SETD2: variants seen among roughly 807,000 people sequenced by gnomAD.
SETD2 encodes histone-lysine N-methyltransferase SETD2.
SETD2 carries 31 observed loss-of-function variants against 242.1 expected under a neutral mutation model. That is an observed-to-expected ratio of 0.13 (90% CI 0.10 to 0.17). The LOEUF is 0.17. SETD2 is among the 10% of genes least tolerant of loss of function. The pLI is 1.00. For missense variants in SETD2, 2,481 were observed against 3,046.3 expected (o/e 0.81, Z 4.37); for synonymous variants, 1,006 against 1,066.5 (o/e 0.94, Z 1.11).
intron 17 of SETD2, 45 bp downstream of exon 17, chr3:47,042,516 A>ATCGTC (rs1457045425): frequency 6.2e-7 from 1 of 1,608,034 alleles, no homozygotes; most frequent in Non-Finnish European, 8.5e-7. Flanking sequence ...AACTTCTTTG[A>ATCGTC]TTAAGTAAAA....
rs767401946 is a variant in SETD2, at chr3:47,062,156, C to T, written c.6293+7G>A. The T allele has an allele frequency of 5.0e-6, 8 of 1,611,716 alleles. 1 individual carries two copies. The South Asian group carries it at 8.8e-5, about 18-fold the overall frequency. Reference sequence around the variant, plus strand: ...CAAAAACAAAAAAACTCACACAGGCCACTTACCTGTCATCTGGCCTTTTTG... The same window carrying T: ...CAAAAACAAAAAAACTCACACAGGCTACTTACCTGTCATCTGGCCTTTTTG... On this transcript the variant is annotated splice_region_variant and intron_variant, in intron 14 of 20. Coordinates refer to ENST00000409792, the MANE Select transcript of SETD2 (RefSeq NM_014159.7).
In SETD2 at chr3:47,123,044, C is replaced by A. The variant is rs374775442; in HGVS notation, c.1592G>T (p.Cys531Phe). ...GAATCCCAGTTCATTAGGGGGAGAA[C>A]AACATCTTTTAATTGCTTCATTTTC... ...TSENEAIKRC[C>F]SPPNELGFRR... The change falls in exon 3 of 21, where the codon TGT (cysteine) becomes TTT (phenylalanine). Residue 531 changes from cysteine to phenylalanine, a missense_variant. Cys to Phe is a radical substitution (Grantham distance 205, BLOSUM62 -2). This residue lies in a region of SETD2 where 1,300 missense variants were observed against 1,259.2 expected (regional missense o/e 1.03). Coordinates refer to ENST00000409792, the MANE Select transcript of SETD2 (RefSeq NM_014159.7). The A allele has an allele frequency of 6.2e-7, 1 of 1,613,920 alleles. No individual in the cohort carries two copies. The highest frequency in any genetic ancestry group is 1.1e-5 in the South Asian group (1 of 91,078).
rs2107718892 is a variant in SETD2 at position 47,113,897 on chromosome 3, C to T, written c.4694G>A (p.Arg1565Lys). The change falls in exon 5 of 21, where the codon AGA becomes AAA. Residue 1565 changes from arginine (R) to lysine (K), a missense_variant. Arg to Lys is a conservative substitution (Grantham distance 26). Around this residue, in one of 17 missense-constraint regions of SETD2, gnomAD observed 61 missense variants for 221.4 expected, o/e 0.28. Coordinates refer to ENST00000409792, the MANE Select transcript of SETD2 (RefSeq NM_014159.7). ...TTACGAAGGAAGGTCTTTGGCAGCT[C>T]TCAAGCCCCAGCCTTTCTTTTCTGT... The part of the protein sequence containing the change: ...ILTEKKGWGL[R>K]AAKDLPSNTF... 6.2e-7 allele frequency: 1 copy of T among 1,612,014 alleles called. No individual in the cohort carries two copies. The highest frequency in any genetic ancestry group is 1.1e-5 in the South Asian group (1 of 90,840).
intron 4 of SETD2, among the ~76,000 whole-genome samples, chr3:47,114,525 C>T (rs990193429): frequency 3.3e-5 from 5 of 151,968 alleles, no homozygotes; most frequent in African/African-American, 1.2e-4. Flanking sequence ...ATGATAAAAT[C>T]GAACACTGAT....
At chr3:47,131,125 G>A (rs774076915) in intron 1 of SETD2, among the ~76,000 whole-genome samples, 6 of 152,056 alleles carry the variant, frequency 3.9e-5, no homozygotes, top group Admixed American at 2.0e-4. Flanking sequence ...AATCTATTCT[G>A]GATACCATGT....
Position 47,075,867 on chromosome 3 carries a change from A to C in SETD2, c.6060+7853T>G, listed in dbSNP as rs571594439. 2.6e-5 allele frequency among the ~76,000 whole-genome samples: 4 copies of C among 152,348 alleles called. No individual in the cohort carries two copies. The East Asian group carries it at 5.8e-4, about 22-fold the overall frequency. ...GAAAATATTTTCTGACCATCTATCA[A>C]ATAAAAAATATGTTCTAGGGATTCG... On this transcript the variant is annotated intron_variant, in intron 12 of 20. Coordinates refer to ENST00000409792, the MANE Select transcript of SETD2 (RefSeq NM_014159.7).
rs140145424 is a variant in SETD2 at position 47,055,721 on chromosome 3, T to G, written c.6963+1100A>C. Among the ~76,000 whole-genome samples the G allele has an allele frequency of 7.7e-4, 117 of 151,652 alleles. 2 individuals are homozygous for G. Among genetic ancestry groups the G allele is most frequent in the African/African-American group, 2.7e-3 (110 of 41,352 alleles). On this transcript the variant is annotated intron_variant, in intron 15 of 20. Coordinates refer to ENST00000409792, the MANE Select transcript of SETD2 (RefSeq NM_014159.7). ...AAATAAAATAAAAAATAAAAAAAAG[T>G]TCTGCCGGCCAGGCACGGTGGCTCA...
At chr3:47,042,760 G>C (rs2107540519) in intron 16 of SETD2, 60 bp from the exon 17 acceptor site, 3 of 1,441,412 alleles carry the variant, frequency 2.1e-6, no homozygotes, top group African/African-American at 1.4e-5. Context: ...GGCTGAATAG[G>C]ACAAAATAGC....
intron 1 of SETD2, among the ~76,000 whole-genome samples, chr3:47,158,364 T>G (rs1317924519): frequency 3.3e-5 from 5 of 152,160 alleles, no homozygotes; most frequent in Non-Finnish European, 7.4e-5. Context: ...ACACAGATTT[T>G]TTTCAATAAA....
At chr3:47,128,100 C>CAAT (rs368111506) in intron 1 of SETD2, among the ~76,000 whole-genome samples, 1 of 152,124 alleles carries the variant, frequency 6.6e-6, no homozygotes, top group African/African-American at 2.4e-5. Context: ...AAGAAGCCAA[C>CAAT]AATAAGATGG....
At position 47,017,929 on chromosome 3, in the gene SETD2, G is replaced by C. The variant is rs545141566; in HGVS notation, c.7432-190C>G. ...GATCTGAGAAAAGGATACGGGCTCA[G>C]CCTGAGAGGGAAAGAGCTCCCCTGG... On this transcript the variant is annotated intron_variant, in intron 19 of 20. Transcript: ENST00000409792. The surrounding 1 kb of genome is among the most constrained non-coding windows in gnomAD (Gnocchi z 4.8). Among the ~76,000 whole-genome samples the C allele has an allele frequency of 6.6e-6, 1 of 152,218 alleles. No individual in the cohort carries two copies. Among genetic ancestry groups the C allele is most frequent in the Non-Finnish European group, 1.5e-5 (1 of 68,030 alleles).
At chr3:47,038,161 G>A (rs1386132582) in intron 17 of SETD2, among the ~76,000 whole-genome samples, 2 of 152,222 alleles carry the variant, frequency 1.3e-5, no homozygotes, top group Non-Finnish European at 2.9e-5. Context: ...GGTAAACAGT[G>A]ACTGTACCTA....
At chr3:47,066,973 TCAAAAA>T (rs982248793) in intron 13 of SETD2, 91 bp downstream of exon 13, 3 of 875,706 alleles carry the variant, frequency 3.4e-6, no homozygotes, top group Non-Finnish European at 5.4e-6. Context: ...TTCTCTAGTT[TCAAAAA>T]CAAAAACGCT....
intron 12 of SETD2, chr3:47,081,149 C>T (rs2107632462): frequency 1.1e-6 from 1 of 881,894 alleles, no homozygotes; most frequent in East Asian, 1.2e-4. Context: ...AAGAGTAATT[C>T]ATGAAGCTTC....
At chr3:47,106,639 C>A (rs2042436131) in intron 5 of SETD2, among the ~76,000 whole-genome samples, 4 of 151,260 alleles carry the variant, frequency 2.6e-5, no homozygotes, top group Admixed American at 2.6e-4. Context: ...TGGTGAAACC[C>A]CATCTCTACT....
intron 17 of SETD2, among the ~76,000 whole-genome samples, chr3:47,040,338 G>C (rs2039222276): frequency 6.6e-6 from 1 of 151,978 alleles, no homozygotes; most frequent in South Asian, 2.1e-4. Flanking sequence ...GAAAATATAT[G>C]AAAATTTTAA....
In SETD2 at chr3:47,017,166, T is replaced by C. The variant is rs2107485036; in HGVS notation, c.7622A>G (p.Lys2541Arg). 6.2e-7 allele frequency: 1 copy of C among 1,614,176 alleles called. No individual in the cohort carries two copies. The highest frequency in any genetic ancestry group is 1.1e-5 in the South Asian group (1 of 91,078). Residue 2541 changes from lysine (K) to arginine (R), a missense_variant, in exon 21 of 21, where the codon AAG (lysine) becomes AGG (arginine). This residue lies in a region of SETD2 where 29 missense variants were observed against 46.7 expected (regional missense o/e 0.62). Transcript: ENST00000409792. The surrounding 1 kb of genome is among the most constrained non-coding windows in gnomAD (Gnocchi z 4.8). ...CTGCATGTACTTCTTAATGTACTCC[T>C]TGGTTTTGTGTTTCACATTCTCATT... ...ECNENVKHKT[K>R]EYIKKYMQKF...
intron 18 of SETD2, among the ~76,000 whole-genome samples, chr3:47,031,618 A>G (rs2038774545): frequency 2.0e-5 from 3 of 152,352 alleles, no homozygotes; most frequent in African/African-American, 7.2e-5. Context: ...TGGAAATGGT[A>G]AATATGTGGG....
Position 47,062,298 on chromosome 3 carries a change from G to A in SETD2, c.6158C>T (p.Ala2053Val), listed in dbSNP as rs1296278122. ...DAVGFRDQTP[A>V]PKTPNRSRER... ...TCTTGACCTATTAGGAGTCTTCGGGGCAGGTGTTTGATCTCTGAAGCCAAC... is the reference window on the plus strand; with the variant it reads ...TCTTGACCTATTAGGAGTCTTCGGGACAGGTGTTTGATCTCTGAAGCCAAC... Residue 2053 changes from alanine to valine, a missense_variant, in exon 14 of 21, where the codon GCC (alanine) becomes GTC (valine). Physicochemically the swap from Ala to Val is moderately conservative, Grantham distance 64 (BLOSUM62 0). This residue lies in a region of SETD2 where 80 missense variants were observed against 102.6 expected (regional missense o/e 0.78). Transcript: ENST00000409792. The A allele has an allele frequency of 5.0e-6, 8 of 1,613,024 alleles. No individual in the cohort carries two copies. In the African/African-American group the frequency reaches 6.7e-5, roughly 13 times the overall value.
Sources: gnomAD v4.1 joint callset for allele counts (sites outside exome capture counted in the v4.1 genomes callset) on GRCh38, gnomAD v4.1.1 for gene constraint, gnomAD v4.1.1 regional missense constraint, Gnocchi (gnomAD v3.1) non-coding constraint, MANE v1.5 for transcripts, NCBI Gene and HGNC (gene_info 2026-07-23, HGNC 2026-07-21) for gene names.